The following LYRM4 variants were observed in gnomAD, a reference collection of about 807,000 sequenced individuals.
LYRM4 encodes LYR motif containing 4, also known as LYR motif-containing protein 4.
Under a neutral mutation model 11.7 loss-of-function variants are expected in LYRM4, and 9 were observed. That is an observed-to-expected ratio of 0.77 (90% CI 0.46 to 1.34). The LOEUF (loss-of-function observed/expected upper bound fraction) is 1.34. LYRM4 is among the 40% of genes most tolerant of loss of function. The pLI, the probability that LYRM4 is intolerant of heterozygous loss-of-function variation, is 0.00. For synonymous variants in LYRM4, 42 were observed against 40.4 expected, an observed-to-expected ratio of 1.04 and a Z score of -0.15; for missense variants, 133 against 112.5, an observed-to-expected ratio of 1.18 and a Z score of -0.82.
the LYRM4 span, among the ~76,000 whole-genome samples, chr6:5,097,678 C>A: frequency 6.6e-6 from 1 of 152,162 alleles, no homozygotes; most frequent in Non-Finnish European, 1.5e-5. Context: ...ATGGATTAAT[C>A]TATTCATGAT....
intron 2 of LYRM4, among the ~76,000 whole-genome samples, chr6:5,115,761 A>G (rs535739866): frequency 1.3e-5 from 2 of 152,224 alleles, no homozygotes; most frequent in Non-Finnish European, 2.9e-5. Context: ...TTTAAAAAAA[A>G]CCCATTCCAG....
chr6:5,057,541 AC>A, the LYRM4 span, among the ~76,000 whole-genome samples: 2,713 of 151,756 alleles, frequency 0.018, 28 homozygotes, highest in South Asian at 0.048. Context: ...AGATGGTGAA[AC>A]CCCCATCTCT....
At chr6:5,234,967 G>A (rs1455607358) in intron 1 of LYRM4, among the ~76,000 whole-genome samples, 1 of 152,126 alleles carries the variant, frequency 6.6e-6, no homozygotes, top group Non-Finnish European at 1.5e-5. Context: ...GCACTCCAGA[G>A]CTTTGTACCT....
chr6:5,236,051 T>C (rs1463026965), intron 1 of LYRM4, among the ~76,000 whole-genome samples: 1 of 152,218 alleles, frequency 6.6e-6, no homozygotes, highest in African/African-American at 2.4e-5. Flanking sequence ...CAGTCAAATA[T>C]ATCTCTTCCT....
Position 5,245,114 on chromosome 6 carries a change from ATATATATATATATATATATATATATATAT to A in LYRM4, c.86+15505_86+15533del, listed in dbSNP as rs1216043652. 7.5e-4 allele frequency among the ~76,000 whole-genome samples: 9 copies of A among 12,040 alleles called. 1 individual carries two copies. The highest frequency in any genetic ancestry group is 6.0e-3 in the South Asian group (1 of 168). 7.9% of individuals were successfully genotyped at this position (12,040 alleles called of 152,430 possible). ...TAAAAAAAAAAAAAAAAAAAAAAAA[ATATATATATATATATATATATATATATAT>A]ATATATATATATATATATATAAAAT... On this transcript the variant is annotated intron_variant, in intron 1 of 2. Transcript: ENST00000330636.
At chr6:5,236,059 C>A (rs553911430) in intron 1 of LYRM4, among the ~76,000 whole-genome samples, 28 of 152,300 alleles carry the variant, frequency 1.8e-4, no homozygotes, top group African/African-American at 6.5e-4. Flanking sequence ...TATATCTCTT[C>A]CTGAGCGCAG....
At chr6:5,093,875 A>T in the LYRM4 span, among the ~76,000 whole-genome samples, 1 of 152,206 alleles carries the variant, frequency 6.6e-6, no homozygotes, top group Non-Finnish European at 1.5e-5. Flanking sequence ...TCAGGGTCTG[A>T]AAATGCAATG....
the LYRM4 span, among the ~76,000 whole-genome samples, chr6:5,068,720 G>A: frequency 1.3e-5 from 2 of 152,048 alleles, no homozygotes; most frequent in Non-Finnish European, 2.9e-5. This position sits in a 1 kb window ranked among gnomAD's most constrained non-coding sequence, Gnocchi z 4.0. Context: ...CGGTCTATCG[G>A]CATGCATACA....
At chr6:5,153,289 C>T (rs554800502) in intron 2 of LYRM4, among the ~76,000 whole-genome samples, 3 of 152,234 alleles carry the variant, frequency 2.0e-5, no homozygotes, top group East Asian at 3.9e-4. Flanking sequence ...TGGTGTTTTG[C>T]CATGGTGGCC....
intron 2 of LYRM4, among the ~76,000 whole-genome samples, chr6:5,163,208 C>T (rs969845868): frequency 1.3e-5 from 2 of 152,178 alleles, no homozygotes; most frequent in Admixed American, 6.5e-5. Context: ...TTTCACCATT[C>T]CCATTTAAAT....
chr6:5,239,030 G>A (rs931723419), intron 1 of LYRM4, among the ~76,000 whole-genome samples: 1 of 152,172 alleles, frequency 6.6e-6, no homozygotes, highest in East Asian at 1.9e-4. Flanking sequence ...AATCAGATTT[G>A]GAATTTAGAA....
the LYRM4 span, among the ~76,000 whole-genome samples, chr6:5,061,981 G>A: frequency 6.6e-6 from 1 of 151,986 alleles, no homozygotes; most frequent in Non-Finnish European, 1.5e-5. Context: ...CACAATAGCG[G>A]GGTGTTTAAT....
chr6:5,216,762 A>T, intron 1 of LYRM4, 24 bp from the exon 2 acceptor site: 2 of 1,604,916 alleles, frequency 1.2e-6, no homozygotes, highest in Middle Eastern at 1.7e-4. Context: ...GAGGAAAAAA[A>T]AGAAAAGGTG....
chr6:5,144,110 G>C, intron 2 of LYRM4: 1 of 1,535,310 alleles, frequency 6.5e-7, no homozygotes, highest in Non-Finnish European at 8.7e-7. Flanking sequence ...GATCTGATCT[G>C]ATGTGACCAC....
At chr6:5,212,322 C>A (rs1762026999) in intron 2 of LYRM4, among the ~76,000 whole-genome samples, 1 of 152,214 alleles carries the variant, frequency 6.6e-6, no homozygotes, top group Non-Finnish European at 1.5e-5. Flanking sequence ...CAAAATGGAG[C>A]AAAGTACAAA....
At chr6:5,127,954 A>G (rs1353422185) in intron 2 of LYRM4, among the ~76,000 whole-genome samples, 1 of 152,254 alleles carries the variant, frequency 6.6e-6, no homozygotes, top group Non-Finnish European at 1.5e-5. Context: ...TGCAAAAAAT[A>G]GTAGAGAGAG....
At chr6:5,216,093 C>T (rs1024588832) in intron 2 of LYRM4, among the ~76,000 whole-genome samples, 2 of 152,114 alleles carry the variant, frequency 1.3e-5, no homozygotes, top group African/African-American at 4.8e-5. Context: ...CGAAAACTAA[C>T]ACACCCTCCA....
At chr6:5,155,380 T>C (rs1471961423) in intron 2 of LYRM4, among the ~76,000 whole-genome samples, 2 of 152,158 alleles carry the variant, frequency 1.3e-5, no homozygotes. Flanking sequence ...TGAGCCCGGC[T>C]GAGATGGATT....
chr6:5,097,264 A>G, the LYRM4 span, among the ~76,000 whole-genome samples: 5 of 152,062 alleles, frequency 3.3e-5, no homozygotes, highest in Admixed American at 6.5e-5. Context: ...TAATATATCT[A>G]TATGTTTGAG....
Sources: gnomAD v4.1 joint callset for allele counts (sites outside exome capture counted in the v4.1 genomes callset) on GRCh38, gnomAD v4.1.1 for gene constraint, Gnocchi (gnomAD v3.1) non-coding constraint, MANE v1.5 for transcripts, NCBI Gene and HGNC (gene_info 2026-07-23, HGNC 2026-07-21) for gene names.